Variants in PSMD7 observed in about 807,000 individuals in gnomAD.
PSMD7 encodes proteasome 26S subunit, non-ATPase 7, also known as 26S proteasome non-ATPase regulatory subunit 7.
Under a neutral mutation model 36.4 loss-of-function variants are expected in PSMD7, and 13 were observed. That is an observed-to-expected ratio of 0.36 (90% CI 0.23 to 0.57). PSMD7 has a LOEUF of 0.57. Ranked by LOEUF, PSMD7 falls within the 20% of genes least tolerant of loss-of-function variation. The probability of loss-of-function intolerance (pLI) is 0.83; values close to 1 mark genes in which losing one functional copy is unlikely to be tolerated. For synonymous variants in PSMD7, 186 were observed against 151.0 expected (o/e 1.23, Z -1.70); for missense variants, 298 against 393.6 (o/e 0.76, Z 2.06).
At chr16:74,297,083 C>T in intron 1 of PSMD7, 95 bp downstream of exon 1, 1 of 1,330,588 alleles carries the variant, frequency 7.5e-7, no homozygotes, top group Non-Finnish European at 1.1e-6. Context: ...GAGCTGGGGA[C>T]GCAGATAGGG....
chr16:74,301,532 C>T (rs1467024233), intron 3 of PSMD7, 23 bp from the exon 4 acceptor site: 2 of 1,533,176 alleles, frequency 1.3e-6, no homozygotes, highest in Admixed American at 3.4e-5. Context: ...TAGTTAAAGC[C>T]TGCTAATTTT....
Position 74,302,215 on chromosome 16 carries a change from T to A in PSMD7, c.361T>A (p.Leu121Met). 6.2e-7 allele frequency: 1 copy of A among 1,613,688 alleles called. No individual in the cohort carries two copies. Among genetic ancestry groups the A allele is most frequent in the Middle Eastern group, 1.6e-4 (1 of 6,062 alleles). The part of the protein sequence containing the change: ...LMKRYCPNSV[L>M]VIIDVKPKDL... ...CTAAGATGTGTTTCTCTGCCAGGTA[T>A]TGGTCATCATTGATGTGAAGCCGAA... The change falls in exon 5 of 7, where the codon TTG becomes ATG. Residue 121 changes from leucine (L) to methionine (M), a missense_variant. Leu to Met is a conservative substitution (Grantham distance 15). Transcript: ENST00000219313.
chr16:74,302,132 G>T, intron 4 of PSMD7, 80 bp from the exon 5 acceptor site: 5 of 1,112,456 alleles, frequency 4.5e-6, no homozygotes, highest in Non-Finnish European at 6.7e-6. Flanking sequence ...AATAGCTTTA[G>T]TAATTGTGAG....
intron 2 of PSMD7, 129 bp from the exon 3 acceptor site, chr16:74,300,923 A>T (rs547505348): frequency 1.5e-4 from 75 of 489,842 alleles, no homozygotes; most frequent in Admixed American, 2.4e-4. Context: ...CTCAAAAAAA[A>T]TTTTTTAATA....
At position 74,300,223 on chromosome 16, in the gene PSMD7, A is replaced by C; in HGVS notation, c.166+17A>C. 1.9e-6 allele frequency: 3 copies of C among 1,598,454 alleles called. No individual in the cohort carries two copies. Among genetic ancestry groups the C allele is most frequent in the Non-Finnish European group, 2.6e-6 (3 of 1,165,726 alleles). On this transcript the variant is annotated intron_variant, in intron 2 of 6. Coordinates refer to ENST00000219313, the MANE Select transcript of PSMD7 (RefSeq NM_002811.5). The stretch of plus-strand genomic sequence containing the variant: ...GTTTTGCAGGTAAAAGACAAATTTT[A>C]TGTTTTTCCGAGCATGATTAAAATG...
At chr16:74,300,245 A>G (rs2034145388) in intron 2 of PSMD7, 39 bp downstream of exon 2, 1 of 1,545,926 alleles carries the variant, frequency 6.5e-7, no homozygotes, top group Non-Finnish European at 8.9e-7. Context: ...GCATGATTAA[A>G]ATGTCAGTTT....
At chr16:74,305,191 C>A in intron 6 of PSMD7, 98 bp from the exon 7 acceptor site, 1 of 1,394,120 alleles carries the variant, frequency 7.2e-7, no homozygotes, top group Non-Finnish European at 9.4e-7. Flanking sequence ...CTTGCCTCAC[C>A]CAACAAAGCT....
At chr16:74,300,617 C>T (rs1268273318) in intron 2 of PSMD7, 3 of 242,806 alleles carry the variant, frequency 1.2e-5, no homozygotes, top group South Asian at 6.9e-5. Flanking sequence ...CTTACAAGAA[C>T]GTACCCATGT....
intron 1 of PSMD7, among the ~76,000 whole-genome samples, chr16:74,298,520 G>C (rs970820747): frequency 6.6e-6 from 1 of 152,322 alleles, no homozygotes; most frequent in Admixed American, 6.5e-5. Flanking sequence ...TCTCCCATGG[G>C]ATACTAGGGG....
intron 1 of PSMD7, among the ~76,000 whole-genome samples, chr16:74,298,099 C>A (rs1055703109): frequency 5.7e-5 from 8 of 140,770 alleles, no homozygotes; most frequent in Admixed American, 7.8e-5. Flanking sequence ...TCGAAGCTGT[C>A]GTGAGCTGAG....
intron 1 of PSMD7, among the ~76,000 whole-genome samples, chr16:74,297,219 G>A (rs985647295): frequency 3.9e-5 from 6 of 152,364 alleles, no homozygotes; most frequent in African/African-American, 1.4e-4. Flanking sequence ...GTTCCGTTTA[G>A]CCTGTTTGTT....
Position 74,305,571 on chromosome 16 carries a change from C to G in PSMD7, c.813C>G (p.Ala271=). The change falls in exon 7 of 7, where the codon GCC becomes GCG. Residue 271 remains alanine, a synonymous_variant. Transcript: ENST00000219313. ...CCTCGCTGATCCGTTCCGTGGTCGCCCTGCACAACCTCATCAACAACAAGA... is the reference window on the plus strand; with the variant it reads ...CCTCGCTGATCCGTTCCGTGGTCGCGCTGCACAACCTCATCAACAACAAGA... ...YLASLIRSVV[A]LHNLINNKIA... 1 of 1,607,956 alleles carries G rather than the reference C, an allele frequency of 6.2e-7. No homozygotes were observed. Among genetic ancestry groups the G allele is most frequent in the East Asian group, 2.2e-5 (1 of 44,724 alleles).
chr16:74,300,094 A>G (rs2034143791), intron 1 of PSMD7, 21 bp from the exon 2 acceptor site: 13 of 1,607,680 alleles, frequency 8.1e-6, no homozygotes, highest in Non-Finnish European at 1.1e-5. Context: ...ATCCACACTG[A>G]CCATCTGTTT....
Position 74,305,672 on chromosome 16 carries a change from A to C in PSMD7, c.914A>C (p.Glu305Ala). 6.6e-7 allele frequency: 1 copy of C among 1,519,704 alleles called. No homozygotes were observed. Among genetic ancestry groups the C allele is most frequent in the East Asian group, 2.3e-5 (1 of 43,810 alleles). The allele number at this position is 1,519,704 out of a possible 1,614,324, so 94.1% of individuals were successfully genotyped here. The change falls in exon 7 of 7, where the codon GAG (glutamate) becomes GCG (alanine). Residue 305 changes from glutamate to alanine, a missense_variant. Coordinates refer to ENST00000219313, the MANE Select transcript of PSMD7 (RefSeq NM_002811.5). The part of the protein sequence containing the change: ...ESKKDRKEDK[E>A]KDKDKEKSDV... ...AAAAAGGATAGGAAAGAGGACAAGG[A>C]GAAAGATAAAGATAAGGAAAAGAGT...
At chr16:74,298,156 C>CAAAAAA (rs75614540) in intron 1 of PSMD7, among the ~76,000 whole-genome samples, 1 of 72,754 alleles carries the variant, frequency 1.4e-5, no homozygotes. Context: ...ACCCTGTCTC[C>CAAAAAA]AAAAAAAAAA....
Position 74,305,740 on chromosome 16 carries a change from T to G in PSMD7, c.*7T>G. The G allele has an allele frequency of 7.1e-7, 1 of 1,414,400 alleles. No homozygotes were observed. Among genetic ancestry groups the G allele is most frequent in the Non-Finnish European group, 9.3e-7 (1 of 1,078,382 alleles). The allele number at this position is 1,414,400 out of a possible 1,614,324, so 87.6% of individuals were successfully genotyped here. ...GAAAAAGGAGAAAAAGTAAAACATG[T>G]ATTAAATAGCTTTTTTAATTTGTAA... is the stretch of plus-strand genomic sequence containing the variant. On this transcript the variant is annotated 3_prime_UTR_variant, in exon 7 of 7. Transcript: ENST00000219313.
chr16:74,304,668 G>A (rs974266104), intron 6 of PSMD7: 3 of 308,920 alleles, frequency 9.7e-6, no homozygotes, highest in African/African-American at 6.4e-5. Flanking sequence ...AATGTTGACT[G>A]ACGGGAAGAG....
intron 5 of PSMD7, among the ~76,000 whole-genome samples, chr16:74,302,585 A>AT (rs1246614126): frequency 6.6e-6 from 1 of 152,138 alleles, no homozygotes; most frequent in East Asian, 1.9e-4. Flanking sequence ...ACCTACAAAA[A>AT]TAAAAACATT....
At chr16:74,300,465 CAA>C (rs1466486125) in intron 2 of PSMD7, 6 of 473,554 alleles carry the variant, frequency 1.3e-5, no homozygotes, top group African/African-American at 1.9e-5. Context: ...TGTAAACAAA[CAA>C]AAGTGGCAGT....
Sources: allele counts gnomAD v4.1 joint callset (sites outside exome capture counted in the v4.1 genomes callset), GRCh38; gene constraint gnomAD v4.1.1; transcripts MANE v1.5; gene names NCBI Gene and HGNC (gene_info 2026-07-23, HGNC 2026-07-21).